The following DEUP1 variants were observed in gnomAD, a reference collection of about 807,000 sequenced individuals.
DEUP1 encodes deuterosome assembly protein 1.
Under a neutral mutation model 87.4 loss-of-function variants are expected in DEUP1, and 82 were observed. That is an observed-to-expected ratio of 0.94 (90% confidence interval 0.78 to 1.13). The LOEUF (loss-of-function observed/expected upper bound fraction) is 1.13. DEUP1 is among the 50% of genes most tolerant of loss of function. The pLI is 0.00. For missense variants in DEUP1, 663 were observed against 681.5 expected (o/e 0.97, Z 0.30); for synonymous variants, 214 against 222.7 (o/e 0.96, Z 0.35).
intron 13 of DEUP1, among the ~76,000 whole-genome samples, chr11:93,430,775 T>C (rs1401966395): frequency 1.3e-5 from 2 of 152,092 alleles, no homozygotes; most frequent in Admixed American, 1.3e-4. Context: ...GGAGAAAAAT[T>C]AATGATTGGA....
chr11:93,371,580 C>G (rs1037864626), intron 7 of DEUP1, among the ~76,000 whole-genome samples: 2 of 152,142 alleles, frequency 1.3e-5, no homozygotes, highest in Non-Finnish European at 2.9e-5. Flanking sequence ...CCTCTTCCCC[C>G]ACTATTTTCT....
At position 93,332,282 on chromosome 11, in the gene DEUP1, C is replaced by T. The variant is rs766158479; in HGVS notation, c.23C>T (p.Thr8Met). 5.5e-5 allele frequency: 89 copies of T among 1,607,502 alleles called. No individual in the cohort carries two copies. Among genetic ancestry groups the T allele is most frequent in the Admixed American group, 8.4e-5 (5 of 59,546 alleles). ...GACATGGAGAACCAAGCCCATAATA[C>T]GATGGGGTAAGTGCTGAGAAATTTC... MENQAHNTMGTSPCEAEL... is the reference protein window; with the variant it reads MENQAHNMMGTSPCEAEL... Residue 8 changes from threonine to methionine, a missense_variant, in exon 2 of 14, where the codon ACG (threonine) becomes ATG (methionine). Transcript: ENST00000298050.
At chr11:93,410,437 T>C (rs1415265091) in intron 12 of DEUP1, among the ~76,000 whole-genome samples, 1 of 152,190 alleles carries the variant, frequency 6.6e-6, no homozygotes, top group African/African-American at 2.4e-5. Context: ...TGTAAGAATA[T>C]ATGTTCTAAT....
intron 5 of DEUP1, among the ~76,000 whole-genome samples, chr11:93,364,829 T>A (rs768034191): frequency 6.6e-6 from 1 of 152,078 alleles, no homozygotes; most frequent in African/African-American, 2.4e-5. Flanking sequence ...ATATCTACTA[T>A]GTACCCACAA....
intron 12 of DEUP1, chr11:93,410,958 AAATTTGTTTTAATGCC>A (rs1425436338): frequency 6.6e-6 from 1 of 152,212 alleles, no homozygotes; most frequent in Non-Finnish European, 1.5e-5. Context: ...AAGTTTCATT[AAATTTGTTTTAATGCC>A]TTGTCTGATT....
At chr11:93,390,461 T>C (rs1392519181) in intron 9 of DEUP1, among the ~76,000 whole-genome samples, 2 of 152,216 alleles carry the variant, frequency 1.3e-5, no homozygotes, top group Non-Finnish European at 2.9e-5. Flanking sequence ...TCATTTTTCA[T>C]ATATTTTGAA....
At chr11:93,343,726 G>A (rs531781180) in intron 2 of DEUP1, among the ~76,000 whole-genome samples, 1 of 152,276 alleles carries the variant, frequency 6.6e-6, no homozygotes, top group African/African-American at 2.4e-5. Context: ...CTATAATTCT[G>A]ATAAAACAAT....
intron 11 of DEUP1, among the ~76,000 whole-genome samples, chr11:93,403,808 A>G (rs1174482476): frequency 6.6e-6 from 1 of 151,894 alleles, no homozygotes; most frequent in Admixed American, 6.6e-5. Context: ...AATTAGGAAA[A>G]AATCCATAAT....
At chr11:93,354,934 A>G (rs1944820351) in intron 2 of DEUP1, among the ~76,000 whole-genome samples, 1 of 152,124 alleles carries the variant, frequency 6.6e-6, no homozygotes, top group Non-Finnish European at 1.5e-5. Context: ...GAGCCATACT[A>G]TAGCCCAGTT....
intron 7 of DEUP1, among the ~76,000 whole-genome samples, chr11:93,372,647 T>A (rs1261508705): frequency 6.6e-6 from 1 of 152,164 alleles, no homozygotes; most frequent in Non-Finnish European, 1.5e-5. Context: ...TCCCAGTCTC[T>A]CCCATTCAGA....
At chr11:93,420,481 C>T (rs1429703285) in intron 13 of DEUP1, among the ~76,000 whole-genome samples, 3 of 151,484 alleles carry the variant, frequency 2.0e-5, no homozygotes, top group African/African-American at 7.3e-5. Flanking sequence ...AAACTGGAAG[C>T]ATTCCCTTTG....
chr11:93,330,854 CA>C (rs894923708), intron 1 of DEUP1, 82 bp downstream of exon 1: 2 of 152,736 alleles, frequency 1.3e-5, no homozygotes, highest in African/African-American at 4.8e-5. Context: ...TCGAGCGGGA[CA>C]GGGGAACCCC....
At chr11:93,376,276 C>T (rs190084119) in intron 7 of DEUP1, among the ~76,000 whole-genome samples, 360 of 152,204 alleles carry the variant, frequency 2.4e-3, no homozygotes, top group African/African-American at 8.1e-3. Context: ...TGCTTGCTCT[C>T]GTTCTTTTCA....
chr11:93,385,596 G>C, intron 8 of DEUP1, 53 bp downstream of exon 8: 1 of 1,417,804 alleles, frequency 7.1e-7, no homozygotes, highest in Non-Finnish European at 9.5e-7. Context: ...CATGATGTTT[G>C]AATGTTTTTA....
At chr11:93,343,907 G>C (rs1944199912) in intron 2 of DEUP1, among the ~76,000 whole-genome samples, 1 of 152,014 alleles carries the variant, frequency 6.6e-6, no homozygotes, top group Non-Finnish European at 1.5e-5. Flanking sequence ...TTGCAAATGA[G>C]GGAAATGAAT....
intron 12 of DEUP1, chr11:93,411,286 C>T (rs1170574696): frequency 6.6e-6 from 1 of 152,126 alleles, no homozygotes; most frequent in Non-Finnish European, 1.5e-5. Context: ...ATATCAATGG[C>T]TAATGCAGTG....
At position 93,364,259 on chromosome 11, in the gene DEUP1, C is replaced by A. The variant is rs755668855; in HGVS notation, c.397C>A (p.Pro133Thr). ...KELPHLKEEI[P>T]FELSNLNQKL... ...ATTACCACACCTTAAAGAAGAAATA[C>A]CCTTTGAACTGAGCAATTTGAACCA... Residue 133 changes from proline to threonine, a missense_variant, in exon 5 of 14, where the codon CCC becomes ACC. Pro to Thr is a conservative substitution (Grantham distance 38). Coordinates refer to ENST00000298050, the MANE Select transcript of DEUP1 (RefSeq NM_181645.4). 5 of 1,610,048 alleles carry A rather than the reference C, an allele frequency of 3.1e-6. No homozygotes were observed. The highest frequency in any genetic ancestry group is 2.2e-5 in the East Asian group (1 of 44,708).
Position 93,371,457 on chromosome 11 carries a change from T to A in DEUP1, c.789+177T>A, listed in dbSNP as rs555901489. On this transcript the variant is annotated intron_variant, in intron 7 of 13. Transcript: ENST00000298050. Reference sequence around the variant, plus strand: ...CGTAGATTCAATAATCCCATAAGTATGTTACCACACTTAGAGTGCACTTTG... The same window carrying A: ...CGTAGATTCAATAATCCCATAAGTAAGTTACCACACTTAGAGTGCACTTTG... Among the ~76,000 whole-genome samples, 16 of 152,282 alleles carry A rather than the reference T, an allele frequency of 1.1e-4. No homozygotes were observed. The South Asian group carries it at 2.9e-3, about 28-fold the overall frequency.
chr11:93,333,114 T>C (rs1290495496), intron 2 of DEUP1, among the ~76,000 whole-genome samples: 1 of 152,234 alleles, frequency 6.6e-6, no homozygotes, highest in Non-Finnish European at 1.5e-5. Context: ...ATACTCCTTC[T>C]TACAACAGCC....
Sources: gnomAD v4.1 joint callset for allele counts (sites outside exome capture counted in the v4.1 genomes callset) on GRCh38, gnomAD v4.1.1 for gene constraint, MANE v1.5 for transcripts, NCBI Gene and HGNC (gene_info 2026-07-23, HGNC 2026-07-21) for gene names.